The following OPN3 variants were observed in gnomAD, a reference collection of about 807,000 sequenced individuals.
OPN3 encodes opsin 3, also known as opsin-3.
Under a neutral mutation model 33.8 loss-of-function variants are expected in OPN3, and 29 were observed. The ratio of observed to expected loss-of-function variants is 0.86; its 90% CI spans 0.64 to 1.17. OPN3 has a LOEUF of 1.17. OPN3 is among the 50% of genes most tolerant of loss of function. The pLI is 0.00. For synonymous variants in OPN3, 216 were observed against 216.1 expected, an observed-to-expected ratio of 1.00 and a Z score of 0.00; for missense variants, 437 against 514.1, an observed-to-expected ratio of 0.85 and a Z score of 1.45.
chr1:241,631,331 T>A (rs374056109), intron 1 of OPN3: 29 of 152,250 alleles, frequency 1.9e-4, no homozygotes, highest in African/African-American at 6.5e-4. Flanking sequence ...CAATTTCTTA[T>A]GAATAATCTG....
intron 1 of OPN3, among the ~76,000 whole-genome samples, chr1:241,614,550 C>T (rs1306853721): frequency 6.6e-6 from 1 of 152,206 alleles, no homozygotes; most frequent in Non-Finnish European, 1.5e-5. Flanking sequence ...GCATCTCCTC[C>T]TAGGCTACGC....
chr1:241,593,579 G>A lies in OPN3; in HGVS notation c.*849C>T. The A allele has an allele frequency of 4.3e-6, 1 of 233,584 alleles. No homozygotes were observed. Among genetic ancestry groups the A allele is most frequent in the Non-Finnish European group, 9.4e-6 (1 of 106,112 alleles). The allele number at this position is 233,584 out of a possible 1,614,324, so 14.5% of individuals were successfully genotyped here. A position where few individuals can be genotyped will look rare whatever the true frequency, so the allele number is the denominator to read the frequency against. On this transcript the variant is annotated 3_prime_UTR_variant, in exon 4 of 4. Coordinates refer to ENST00000366554, the MANE Select transcript of OPN3 (RefSeq NM_014322.3). ...CTACCCACTTTAGGTTCCTTGGCTG[G>A]GGCCCCTATAACAAAAGACAGATTG...
At chr1:241,604,178 G>A in intron 2 of OPN3, 82 bp downstream of exon 2, 8 of 1,302,464 alleles carry the variant, frequency 6.1e-6, no homozygotes, top group Non-Finnish European at 8.7e-6. Flanking sequence ...TGATGACATA[G>A]GAAGACTTTC....
chr1:241,601,647 A>C (rs1490680094), intron 2 of OPN3, among the ~76,000 whole-genome samples: 1 of 152,212 alleles, frequency 6.6e-6, no homozygotes, highest in Non-Finnish European at 1.5e-5. Flanking sequence ...CGGAGGTTGC[A>C]GTGAGCCGAG....
chr1:241,602,536 C>T lies in OPN3; in HGVS notation c.693+1724G>A, dbSNP rs201120959. On this transcript the variant is annotated intron_variant, in intron 2 of 3. Transcript: ENST00000366554. The stretch of plus-strand genomic sequence containing the variant: ...GGGAAGTCCCAGGTAGAGTAGCTGG[C>T]AAGGTAGGTATCATTCTGAGGCCTC... Among the ~76,000 whole-genome samples the T allele has an allele frequency of 2.4e-4, 37 of 152,236 alleles. No individual in the cohort carries two copies. The East Asian group carries it at 3.3e-3, about 14-fold the overall frequency.
chr1:241,601,405 A>G (rs933532278), intron 2 of OPN3, among the ~76,000 whole-genome samples: 1 of 151,862 alleles, frequency 6.6e-6, no homozygotes, highest in African/African-American at 2.4e-5. Flanking sequence ...GAAAAAATGG[A>G]TATACCAAAA....
chr1:241,620,085 C>G (rs986639820), intron 1 of OPN3, among the ~76,000 whole-genome samples: 5 of 144,898 alleles, frequency 3.5e-5, no homozygotes, highest in Admixed American at 7.1e-5. Flanking sequence ...CTGGGGAATA[C>G]AGGGTGGGGC....
At position 241,603,077 on chromosome 1, in the gene OPN3, G is replaced by C. The variant is rs908494777; in HGVS notation, c.693+1183C>G. 4.6e-5 allele frequency among the ~76,000 whole-genome samples: 7 copies of C among 152,144 alleles called. 1 individual carries two copies. The highest frequency in any genetic ancestry group is 1.7e-4 in the African/African-American group (7 of 41,418). ...GCTAAAGGGAAAGGGCCAGTGGTAA[G>C]GGAGAGTGTGAAGATACAAGGGAAA... On this transcript the variant is annotated intron_variant, in intron 2 of 3. Coordinates refer to ENST00000366554, the MANE Select transcript of OPN3 (RefSeq NM_014322.3).
chr1:241,638,365 A>G (rs73139033), intron 1 of OPN3, among the ~76,000 whole-genome samples: 13,145 of 152,208 alleles, frequency 0.086, 649 homozygotes, highest in African/African-American at 0.13. Context: ...TAGCACTTAT[A>G]AAGAACTCAG....
chr1:241,618,771 T>C (rs1332738811), intron 1 of OPN3, among the ~76,000 whole-genome samples: 1 of 151,964 alleles, frequency 6.6e-6, no homozygotes, highest in East Asian at 1.9e-4. Flanking sequence ...ATGGAATGGT[T>C]CTGTTCAATG....
chr1:241,608,095 G>C (rs1050539221), intron 1 of OPN3, among the ~76,000 whole-genome samples: 2 of 152,224 alleles, frequency 1.3e-5, no homozygotes, highest in Non-Finnish European at 1.5e-5. Flanking sequence ...AAGTATAATG[G>C]TATTTACTTT....
chr1:241,615,515 A>G (rs1395709043), intron 1 of OPN3, among the ~76,000 whole-genome samples: 1 of 152,112 alleles, frequency 6.6e-6, no homozygotes, highest in African/African-American at 2.4e-5. Flanking sequence ...TTTTAAAACC[A>G]ACAGAAAGCC....
intron 1 of OPN3, among the ~76,000 whole-genome samples, chr1:241,607,240 C>T (rs1002663263): frequency 1.2e-4 from 18 of 152,184 alleles, no homozygotes; most frequent in African/African-American, 2.6e-4. Context: ...TAAGGCTGGG[C>T]GTGGTGGCTC....
chr1:241,634,768 G>A lies in OPN3; in HGVS notation c.373+5114C>T, dbSNP rs763918005. On this transcript the variant is annotated intron_variant, in intron 1 of 3. Transcript: ENST00000366554. ...AGTGCAGTACAAAATGTTGAAGGTTGGGAGTTAGTTTTTTAGTTTTTAAGT... is the reference window on the plus strand; with the variant it reads ...AGTGCAGTACAAAATGTTGAAGGTTAGGAGTTAGTTTTTTAGTTTTTAAGT... 9 of 1,613,954 alleles carry A rather than the reference G, an allele frequency of 5.6e-6. No homozygotes were observed. In the East Asian group the frequency reaches 1.3e-4, roughly 24 times the overall value.
At chr1:241,599,792 G>A (rs759940829) in intron 2 of OPN3, among the ~76,000 whole-genome samples, 5 of 152,110 alleles carry the variant, frequency 3.3e-5, no homozygotes, top group Middle Eastern at 3.2e-3. Context: ...AAACAAGAAA[G>A]GAGGTAAAGC....
At chr1:241,606,037 T>C (rs1663821294) in intron 1 of OPN3, among the ~76,000 whole-genome samples, 1 of 152,110 alleles carries the variant, frequency 6.6e-6, no homozygotes, top group South Asian at 2.1e-4. Context: ...ATTCTGGCAG[T>C]AGTAGAGAAT....
chr1:241,604,511 C>A lies in OPN3; in HGVS notation c.442G>T (p.Val148Leu). 1 of 1,614,168 alleles carries A rather than the reference C, an allele frequency of 6.2e-7. No individual in the cohort carries two copies. The highest frequency in any genetic ancestry group is 8.5e-7 in the Non-Finnish European group (1 of 1,180,032). Residue 148 changes from valine to leucine, a missense_variant, in exon 2 of 4, where the codon GTG becomes TTG. Val to Leu is a conservative substitution (Grantham distance 32). Transcript: ENST00000366554. ...ERYIRVVHAR[V>L]INFSWAWRAI... ...CTCCAGGCCCAGGAAAAATTGATCA[C>A]TCTGGCATGGACCACGCGAATGTAA...
intron 1 of OPN3, chr1:241,635,451 T>C (rs750330183): frequency 2.5e-5 from 40 of 1,613,772 alleles, no homozygotes; most frequent in Non-Finnish European, 3.1e-5. Context: ...ATATCCTGAC[T>C]GGCGTAGCAA....
chr1:241,627,276 GA>G (rs1393172380), intron 1 of OPN3, among the ~76,000 whole-genome samples: 1 of 145,694 alleles, frequency 6.9e-6, no homozygotes, highest in Non-Finnish European at 1.5e-5. Context: ...GCTATTTGTT[GA>G]AAAGCCAATC....
Sources: gnomAD v4.1 joint callset for allele counts (sites outside exome capture counted in the v4.1 genomes callset) on GRCh38, gnomAD v4.1.1 for gene constraint, MANE v1.5 for transcripts, NCBI Gene and HGNC (gene_info 2026-07-23, HGNC 2026-07-21) for gene names.